The following OLAH variants were observed in gnomAD, a reference collection of about 807,000 sequenced individuals.
OLAH encodes the protein oleoyl-ACP hydrolase.
Under a neutral mutation model 27.8 loss-of-function variants are expected in OLAH, and 33 were observed. The ratio of observed to expected loss-of-function variants is 1.19; its 90% CI spans 0.90 to 1.59. OLAH has a LOEUF of 1.59. Among genes scored for constraint, OLAH ranks in the 40% most tolerant of loss-of-function variants. OLAH has a pLI of 0.00. For missense variants in OLAH, 359 were observed against 310.8 expected, an observed-to-expected ratio of 1.16 and a Z score of -1.17; for synonymous variants, 120 against 102.9, an observed-to-expected ratio of 1.17 and a Z score of -1.01.
upstream of OLAH, among the ~76,000 whole-genome samples, chr10:15,040,138 T>G (rs55982270): frequency 0.039 from 5,990 of 152,258 alleles, 172 homozygotes; most frequent in African/African-American, 0.076. Flanking sequence ...GGGCCTCTTT[T>G]TCCCCAGAAA....
chr10:15,056,700 G>T, intron 3 of OLAH: 2 of 1,016,720 alleles, frequency 2.0e-6, no homozygotes, highest in Non-Finnish European at 2.5e-6. Context: ...GCATGATCTT[G>T]GCTCATTGCA....
chr10:15,049,933 T>C (rs543972324), intron 3 of OLAH, among the ~76,000 whole-genome samples, 168 bp downstream of exon 3: 340 of 152,350 alleles, frequency 2.2e-3, no homozygotes, highest in Non-Finnish European at 4.3e-3. Flanking sequence ...TAACTTTCTC[T>C]TTACTTTGTT....
chr10:15,058,965 C>CT (rs11434913), intron 3 of OLAH, among the ~76,000 whole-genome samples: 51 of 127,518 alleles, frequency 4.0e-4, no homozygotes, highest in South Asian at 5.7e-4. Context: ...CCCTCCTTCC[C>CT]TCCCTCCCTC....
upstream of OLAH, among the ~76,000 whole-genome samples, chr10:15,041,942 C>G (rs1843926941): frequency 6.6e-6 from 1 of 151,832 alleles, no homozygotes; most frequent in South Asian, 2.1e-4. Context: ...CTTTGTCCTC[C>G]TATTTCCCTG....
chr10:15,043,555 A>G (rs1843959753), upstream of OLAH, among the ~76,000 whole-genome samples: 1 of 150,168 alleles, frequency 6.7e-6, no homozygotes, highest in African/African-American at 2.5e-5. Context: ...GCTCACTGCA[A>G]CCTCTGCCTC....
chr10:15,064,519 T>C lies in OLAH; in HGVS notation c.402+17T>C. 1 of 1,474,866 alleles carries C rather than the reference T, an allele frequency of 6.8e-7. No individual in the cohort carries two copies. The highest frequency in any genetic ancestry group is 1.3e-5 in the South Asian group (1 of 79,274). 91.4% of individuals were successfully genotyped at this position (1,474,866 alleles called of 1,614,324 possible). ...CCTGTACATGTAAGTAATTTAGCTT[T>C]TTCCTAGGAAGGGCAGTGGAGAGCA... On this transcript the variant is annotated intron_variant, in intron 5 of 7. Coordinates refer to ENST00000378228, the MANE Select transcript of OLAH (RefSeq NM_001039702.3).
intron 1 of OLAH, among the ~76,000 whole-genome samples, chr10:15,036,730 T>A (rs991848655): frequency 6.6e-6 from 1 of 152,080 alleles, no homozygotes; most frequent in African/African-American, 2.4e-5. Flanking sequence ...GATCAAGCAA[T>A]CCTCCCTCCT....
intron 3 of OLAH, among the ~76,000 whole-genome samples, chr10:15,050,397 A>T (rs1247528521): frequency 6.6e-6 from 1 of 151,982 alleles, no homozygotes; most frequent in Non-Finnish European, 1.5e-5. Context: ...CCTCCGAAGT[A>T]GCTGCACTTA....
At chr10:15,039,370 G>C (rs1418598087), upstream of OLAH, among the ~76,000 whole-genome samples, 1 of 152,140 alleles carries the variant, frequency 6.6e-6, no homozygotes, top group Non-Finnish European at 1.5e-5. Flanking sequence ...CTGAGGTCAG[G>C]AGTTCGAGAC....
intron 2 of OLAH, among the ~76,000 whole-genome samples, chr10:15,048,877 G>A (rs937039810): frequency 1.3e-5 from 2 of 151,920 alleles, no homozygotes; most frequent in African/African-American, 2.4e-5. Context: ...CGAGGCGGGC[G>A]GATCACCTGA....
intron 4 of OLAH, among the ~76,000 whole-genome samples, chr10:15,062,366 A>C (rs952050041): frequency 6.6e-6 from 1 of 152,132 alleles, no homozygotes; most frequent in African/African-American, 2.4e-5. Flanking sequence ...AATTTTGGCT[A>C]TTATATAAGA....
intron 3 of OLAH, among the ~76,000 whole-genome samples, chr10:15,056,541 T>C (rs1844249150): frequency 6.6e-6 from 1 of 152,192 alleles, no homozygotes; most frequent in African/African-American, 2.4e-5. Context: ...AGATTAGACA[T>C]TTTTTTCACA....
rs750426426 is a variant in OLAH at position 15,061,784 on chromosome 10, T to A, written c.224T>A (p.Ile75Asn). Residue 75 changes from isoleucine (I) to asparagine (N), a missense_variant, in exon 4 of 8, where the codon ATC (isoleucine) becomes AAC (asparagine). Coordinates refer to ENST00000378228, the MANE Select transcript of OLAH (RefSeq NM_001039702.3). ...GTTGAAGAACCTCTTGAAAATGACA[T>A]CTCCCAGTTAGTTGATGAAGTTGTT... ...SRVEEPLENDISQLVDEVVCA... is the reference protein window; with the variant it reads ...SRVEEPLENDNSQLVDEVVCA... 14 of 1,613,842 alleles carry A rather than the reference T, an allele frequency of 8.7e-6. No homozygotes were observed. Among genetic ancestry groups the A allele is most frequent in the Non-Finnish European group, 1.2e-5 (14 of 1,179,902 alleles).
chr10:15,039,096 T>G (rs1474642191), upstream of OLAH, among the ~76,000 whole-genome samples: 1 of 151,666 alleles, frequency 6.6e-6, no homozygotes, highest in Non-Finnish European at 1.5e-5. Flanking sequence ...TGTGGTGGTG[T>G]GCACCTCTAG....
At position 15,061,753 on chromosome 10, in the gene OLAH, A is replaced by C. The variant is rs770229944; in HGVS notation, c.193A>C (p.Ser65Arg). 6.2e-7 allele frequency: 1 copy of C among 1,613,210 alleles called. No individual in the cohort carries two copies. The highest frequency in any genetic ancestry group is 1.1e-5 in the South Asian group (1 of 90,904). Residue 65 changes from serine (S) to arginine (R), a missense_variant, in exon 4 of 8, where the codon AGC (serine) becomes CGC (arginine). By Grantham distance (110) the Ser-to-Arg change is moderately radical. Coordinates refer to ENST00000378228, the MANE Select transcript of OLAH (RefSeq NM_001039702.3). The stretch of plus-strand genomic sequence containing the variant: ...CTCCTTAAGGCTTCCTGGAAGAGAA[A>C]GCAGAGTTGAAGAACCTCTTGAAAA... ...VHSLRLPGRE[S>R]RVEEPLENDI...
At chr10:15,034,679 T>C (rs780696815) in intron 1 of OLAH, among the ~76,000 whole-genome samples, 5 of 152,216 alleles carry the variant, frequency 3.3e-5, no homozygotes, top group African/African-American at 1.2e-4. Context: ...TAATCAGTTA[T>C]GGTCTTGGGA....
chr10:15,045,217 G>T (rs1843992588), intron 1 of OLAH, among the ~76,000 whole-genome samples: 1 of 152,108 alleles, frequency 6.6e-6, no homozygotes, highest in Admixed American at 6.5e-5. Flanking sequence ...AATCTTCCCA[G>T]GTATGATTGA....
Position 15,049,653 on chromosome 10 carries a change from C to T in OLAH, c.51C>T (p.Asn17=). 1 of 1,589,894 alleles carries T rather than the reference C, an allele frequency of 6.3e-7. No individual in the cohort carries two copies. The highest frequency in any genetic ancestry group is 8.5e-7 in the Non-Finnish European group (1 of 1,171,230). ...TCCCTAGGAATGAAAACATTTTCAACTGCTTATACAAAAACCCTGAGGCAA... is the reference window on the plus strand; with the variant it reads ...TCCCTAGGAATGAAAACATTTTCAATTGCTTATACAAAAACCCTGAGGCAA... The part of the protein sequence containing the change: ...PKRTRNENIF[N]CLYKNPEATF... Residue 17 remains asparagine, a synonymous_variant, in exon 3 of 8, where the codon AAC becomes AAT. Coordinates refer to ENST00000378228, the MANE Select transcript of OLAH (RefSeq NM_001039702.3).
chr10:15,047,412 G>T (rs1292786583), intron 2 of OLAH, 92 bp downstream of exon 2: 2 of 1,293,592 alleles, frequency 1.5e-6, no homozygotes, highest in East Asian at 2.5e-5. Flanking sequence ...TTTGAAAGAG[G>T]TTTCTCAGCC....
Sources: allele counts gnomAD v4.1 joint callset (sites outside exome capture counted in the v4.1 genomes callset), GRCh38; gene constraint gnomAD v4.1.1; transcripts MANE v1.5; gene names NCBI Gene and HGNC (gene_info 2026-07-23, HGNC 2026-07-21).